Variants in FRMD6 observed in about 807,000 individuals in gnomAD.
FRMD6 encodes the protein FERM domain containing 6.
A neutral mutation model predicts 73.2 loss-of-function variants in FRMD6; 37 were observed. The ratio of observed to expected loss-of-function variants is 0.51; its 90% CI spans 0.39 to 0.66. The LOEUF is 0.66. Among genes scored for constraint, FRMD6 ranks in the 30% least tolerant of loss-of-function variants. The pLI is 0.00. For synonymous variants in FRMD6, 273 were observed against 282.2 expected (o/e 0.97, Z 0.33); for missense variants, 714 against 780.5 (o/e 0.91, Z 1.02).
chr14:51,509,587 G>A (rs1037063553), intron 1 of FRMD6, among the ~76,000 whole-genome samples: 6 of 152,028 alleles, frequency 3.9e-5, no homozygotes, highest in African/African-American at 1.2e-4. Context: ...GCAGGACAAA[G>A]GTTTGCCACC....
the FRMD6 span, among the ~76,000 whole-genome samples, chr14:51,429,571 A>G: frequency 3.3e-5 from 5 of 152,124 alleles, no homozygotes; most frequent in Non-Finnish European, 7.4e-5. Context: ...GTGGCTAAGG[A>G]CATCTCATGC....
chr14:51,709,009 A>G (rs996035523), intron 7 of FRMD6, among the ~76,000 whole-genome samples: 2 of 152,140 alleles, frequency 1.3e-5, no homozygotes, highest in African/African-American at 2.4e-5. Flanking sequence ...TCTGCAGGGA[A>G]TCACTCACAG....
At chr14:51,677,224 A>G (rs1211605008) in intron 1 of FRMD6, among the ~76,000 whole-genome samples, 1 of 152,160 alleles carries the variant, frequency 6.6e-6, no homozygotes, top group Non-Finnish European at 1.5e-5. Context: ...CCAGAAAGCT[A>G]GCAACTTCTC....
chr14:51,684,153 A>T (rs1168890891), intron 1 of FRMD6, among the ~76,000 whole-genome samples: 1 of 132,536 alleles, frequency 7.5e-6, no homozygotes, highest in Non-Finnish European at 1.6e-5. Context: ...AAATAAATAA[A>T]TGACCCTTAA....
At chr14:51,436,312 A>AT in the FRMD6 span, 1 of 381,634 alleles carries the variant, frequency 2.6e-6, no homozygotes, top group Non-Finnish European at 5.1e-6. Flanking sequence ...AAAATCCCAG[A>AT]TTTTTGGGTA....
chr14:51,471,045 TG>T, the FRMD6 span, among the ~76,000 whole-genome samples: 26 of 152,234 alleles, frequency 1.7e-4, no homozygotes, highest in Non-Finnish European at 2.9e-5. Flanking sequence ...TTTATGTAGA[TG>T]TTTTTTCTGG....
At chr14:51,403,304 T>C in the FRMD6 span, among the ~76,000 whole-genome samples, 4 of 152,216 alleles carry the variant, frequency 2.6e-5, no homozygotes, top group African/African-American at 9.7e-5. Context: ...GATTTTACCT[T>C]TTACATTTAT....
At chr14:51,489,499 A>G (rs943123250) in intron 1 of FRMD6, 2 of 152,518 alleles carry the variant, frequency 1.3e-5, no homozygotes, top group African/African-American at 4.8e-5. Context: ...TTCCTGTACA[A>G]TGGGCACAGT....
At chr14:51,686,395 A>G (rs970276826) in intron 1 of FRMD6, among the ~76,000 whole-genome samples, 2 of 152,170 alleles carry the variant, frequency 1.3e-5, no homozygotes, top group Admixed American at 1.3e-4. Context: ...GTTAAAAATG[A>G]CAATCAGTAT....
the FRMD6 span, among the ~76,000 whole-genome samples, chr14:51,474,817 C>T: frequency 1.3e-5 from 2 of 152,144 alleles, no homozygotes; most frequent in African/African-American, 4.8e-5. Context: ...TTGTTCACAG[C>T]GTGACTCATT....
chr14:51,674,642 G>A (rs1894255291), intron 1 of FRMD6, among the ~76,000 whole-genome samples: 1 of 152,052 alleles, frequency 6.6e-6, no homozygotes. Context: ...GTTGAGGTAT[G>A]GTTCCATTTT....
At chr14:51,438,014 C>G in the FRMD6 span, among the ~76,000 whole-genome samples, 1 of 152,116 alleles carries the variant, frequency 6.6e-6, no homozygotes, top group African/African-American at 2.4e-5. Context: ...TGAATATGCA[C>G]AGTTAGCATT....
intron 1 of FRMD6, among the ~76,000 whole-genome samples, chr14:51,496,590 A>G (rs190023823): frequency 6.6e-6 from 1 of 152,354 alleles, no homozygotes; most frequent in African/African-American, 2.4e-5. Flanking sequence ...GCCTCTTCAG[A>G]TCTGGGCTTG....
chr14:51,456,298 C>A, the FRMD6 span, among the ~76,000 whole-genome samples: 2 of 152,126 alleles, frequency 1.3e-5, no homozygotes, highest in Non-Finnish European at 2.9e-5. Flanking sequence ...CCATCCCTCC[C>A]CTAGCCCCTC....
the FRMD6 span, among the ~76,000 whole-genome samples, chr14:51,407,007 A>G: frequency 6.6e-6 from 1 of 152,138 alleles, no homozygotes; most frequent in South Asian, 2.1e-4. Context: ...CTAATTATTT[A>G]TTTGAGCGTT....
At chr14:51,431,778 T>A in the FRMD6 span, among the ~76,000 whole-genome samples, 1 of 152,184 alleles carries the variant, frequency 6.6e-6, no homozygotes, top group African/African-American at 2.4e-5. Flanking sequence ...TAAGGATAGA[T>A]CAATTTTCCT....
At chr14:51,687,522 A>G (rs1895249712) in intron 1 of FRMD6, among the ~76,000 whole-genome samples, 1 of 152,238 alleles carries the variant, frequency 6.6e-6, no homozygotes, top group Admixed American at 6.5e-5. Context: ...GCCTAAGAAT[A>G]TTGTTCTATA....
chr14:51,598,983 G>A (rs1249450363), intron 2 of FRMD6, among the ~76,000 whole-genome samples: 1 of 150,568 alleles, frequency 6.6e-6, no homozygotes, highest in Non-Finnish European at 1.5e-5. Context: ...GCTTTCCACG[G>A]TGGCTGGACT....
chr14:51,586,368 C>T (rs532782669), intron 2 of FRMD6, among the ~76,000 whole-genome samples: 9 of 152,190 alleles, frequency 5.9e-5, no homozygotes, highest in Non-Finnish European at 1.2e-4. Flanking sequence ...GTTTGTTGGC[C>T]ACATCTATGA....
Sources: allele counts gnomAD v4.1 joint callset (sites outside exome capture counted in the v4.1 genomes callset), GRCh38; gene constraint gnomAD v4.1.1; transcripts MANE v1.5; gene names NCBI Gene and HGNC (gene_info 2026-07-23, HGNC 2026-07-21).